Variants in NOSIP observed in about 807,000 individuals in gnomAD.
The protein encoded by NOSIP is nitric oxide synthase interacting protein.
In NOSIP, 25 loss-of-function variants were observed where a neutral mutation model predicts 36.4. The ratio of observed to expected loss-of-function variants is 0.69; its 90% CI spans 0.50 to 0.96. The LOEUF (loss-of-function observed/expected upper bound fraction) is 0.96. Ranked by LOEUF, NOSIP falls within the 40% of genes least tolerant of loss-of-function variation. NOSIP has a pLI of 0.00. For synonymous variants in NOSIP, 187 were observed against 179.2 expected (o/e 1.04, Z -0.35); for missense variants, 370 against 429.0 (o/e 0.86, Z 1.21).
chr19:49,560,702 A>T lies in NOSIP; in HGVS notation c.-1-10T>A. The T allele has an allele frequency of 6.3e-7, 1 of 1,582,904 alleles. No individual in the cohort carries two copies. ...GCCATGCCGCGTCATCCTAGGGAGG[A>T]AGGGACAGTGGCAGGACTGTGGTTA... On this transcript the variant is annotated splice_polypyrimidine_tract_variant and intron_variant, in intron 1 of 8. Coordinates refer to ENST00000596358, the MANE Select transcript of NOSIP (RefSeq NM_001270960.2). The surrounding 1 kb of genome is among the most constrained non-coding windows in gnomAD (Gnocchi z 4.6).
At chr19:49,579,567 T>G (rs1227100068) in intron 1 of NOSIP, among the ~76,000 whole-genome samples, 1 of 152,222 alleles carries the variant, frequency 6.6e-6, no homozygotes, top group Non-Finnish European at 1.5e-5. Flanking sequence ...AGCTTTTTGT[T>G]TTCCGTTTCT....
chr19:49,571,050 C>T (rs2080477110), intron 1 of NOSIP, among the ~76,000 whole-genome samples: 1 of 148,322 alleles, frequency 6.7e-6, no homozygotes, highest in Non-Finnish European at 1.5e-5. Flanking sequence ...GATCTCGGCT[C>T]ACTGCAACCT....
At chr19:49,577,473 C>G (rs1309752286) in intron 1 of NOSIP, among the ~76,000 whole-genome samples, 1 of 151,970 alleles carries the variant, frequency 6.6e-6, no homozygotes, top group Non-Finnish European at 1.5e-5. Context: ...AGGAGAGTCG[C>G]TCAAACCTGG....
chr19:49,558,245 C>CTTTTTTTCTTTTTTTTTT (rs1418617713), intron 4 of NOSIP: 7 of 123,644 alleles, frequency 5.7e-5, no homozygotes, highest in Non-Finnish European at 9.8e-5. Context: ...CGTAGCACAT[C>CTTTTTTTCTTTTTTTTTT]TTTTTTTTTT....
chr19:49,565,802 A>T (rs1033638547), intron 1 of NOSIP, among the ~76,000 whole-genome samples: 1 of 149,482 alleles, frequency 6.7e-6, no homozygotes, highest in Non-Finnish European at 1.5e-5. Flanking sequence ...ATGGCGGGGG[A>T]ACCCCCACTC....
chr19:49,565,375 G>C (rs1360094383), intron 1 of NOSIP, among the ~76,000 whole-genome samples: 1 of 152,052 alleles, frequency 6.6e-6, no homozygotes. Flanking sequence ...CTTGATCTGG[G>C]TGCTGGTTAC....
At chr19:49,573,760 C>T (rs1049913794) in intron 1 of NOSIP, among the ~76,000 whole-genome samples, 1 of 152,020 alleles carries the variant, frequency 6.6e-6, no homozygotes, top group Non-Finnish European at 1.5e-5. Context: ...CTCATGACAA[C>T]CTCCCCACGT....
intron 1 of NOSIP, among the ~76,000 whole-genome samples, chr19:49,564,214 A>C (rs1343621625): frequency 6.6e-6 from 1 of 152,110 alleles, no homozygotes; most frequent in Non-Finnish European, 1.5e-5. Flanking sequence ...AGCACTTTGG[A>C]GGCTGAAGCG....
intron 1 of NOSIP, among the ~76,000 whole-genome samples, chr19:49,572,585 GTATTTT>G (rs2080499840): frequency 6.6e-6 from 1 of 151,600 alleles, no homozygotes; most frequent in Non-Finnish European, 1.5e-5. Context: ...GCTCATTTTT[GTATTTT>G]TATATTTGTA....
intron 1 of NOSIP, among the ~76,000 whole-genome samples, chr19:49,577,340 T>A (rs1482974470): frequency 1.3e-5 from 2 of 150,812 alleles, no homozygotes; most frequent in African/African-American, 4.9e-5. Flanking sequence ...GGGCGGATCA[T>A]GAGGTCAAGA....
chr19:49,579,738 C>T (rs565361585), intron 1 of NOSIP, among the ~76,000 whole-genome samples: 1 of 152,176 alleles, frequency 6.6e-6, no homozygotes, highest in African/African-American at 2.4e-5. Flanking sequence ...TTTGACAATC[C>T]TTAAGTGTCA....
At chr19:49,573,386 G>T (rs1045070042) in intron 1 of NOSIP, among the ~76,000 whole-genome samples, 2 of 152,158 alleles carry the variant, frequency 1.3e-5, no homozygotes, top group Admixed American at 6.6e-5. Flanking sequence ...CCTTGCACTT[G>T]ACCGTGCCCT....
intron 1 of NOSIP, among the ~76,000 whole-genome samples, chr19:49,571,895 G>A (rs1409740940): frequency 7.0e-6 from 1 of 142,702 alleles, no homozygotes; most frequent in Non-Finnish European, 1.5e-5. Flanking sequence ...TGAGGCAGAA[G>A]AATCGCTTGA....
chr19:49,571,338 C>T (rs2080481644), intron 1 of NOSIP, among the ~76,000 whole-genome samples: 1 of 151,944 alleles, frequency 6.6e-6, no homozygotes, highest in Admixed American at 6.6e-5. Flanking sequence ...GACCAGAAAG[C>T]GTGAGCGCCT....
intron 1 of NOSIP, among the ~76,000 whole-genome samples, chr19:49,576,933 G>A (rs1157261423): frequency 1.4e-5 from 2 of 147,618 alleles, no homozygotes; most frequent in African/African-American, 5.0e-5. Flanking sequence ...TAAGGGAATT[G>A]CAGTGAGAAT....
intron 3 of NOSIP, chr19:49,559,364 C>T (rs1418508995): frequency 5.1e-6 from 1 of 196,966 alleles, no homozygotes; most frequent in Non-Finnish European, 1.1e-5. Context: ...AAAAAACAAA[C>T]AAAAACGCCA....
Position 49,575,869 on chromosome 19 carries a change from C to T in NOSIP, c.-2+4646G>A, listed in dbSNP as rs954136942. On this transcript the variant is annotated intron_variant, in intron 1 of 8. Coordinates refer to ENST00000596358, the MANE Select transcript of NOSIP (RefSeq NM_001270960.2). ...AAACCAGGCCAGGCGCAGTGGCTCACGCCTGTAATCCCAGCACTTTGGGAG... is the reference window on the plus strand; with the variant it reads ...AAACCAGGCCAGGCGCAGTGGCTCATGCCTGTAATCCCAGCACTTTGGGAG... Among the ~76,000 whole-genome samples, 4 of 152,314 alleles carry T rather than the reference C, an allele frequency of 2.6e-5. No homozygotes were observed. In the East Asian group the frequency reaches 7.7e-4, roughly 29 times the overall value.
chr19:49,559,721 A>G lies in NOSIP; in HGVS notation c.176+213T>C, dbSNP rs1246634390. The G allele has an allele frequency of 1.4e-5, 8 of 578,156 alleles. No homozygotes were observed. The South Asian group carries it at 1.5e-4, about 11-fold the overall frequency. 35.8% of individuals were successfully genotyped at this position (578,156 alleles called of 1,614,324 possible). A position where few individuals can be genotyped will look rare whatever the true frequency, so the allele number is the denominator to read the frequency against. ...CAATGCTCTGAGAGCCCTACACCCC[A>G]TTAGAAGTATGTTCCTTTCCATATG... On this transcript the variant is annotated intron_variant, in intron 3 of 8. Coordinates refer to ENST00000596358, the MANE Select transcript of NOSIP (RefSeq NM_001270960.2).
chr19:49,571,019 G>A (rs900747076), intron 1 of NOSIP, among the ~76,000 whole-genome samples: 6 of 151,774 alleles, frequency 4.0e-5, no homozygotes, highest in African/African-American at 9.7e-5. Flanking sequence ...CTCTGTTGCC[G>A]AAGCTGGAGT....
Sources: allele counts gnomAD v4.1 joint callset (sites outside exome capture counted in the v4.1 genomes callset), GRCh38; gene constraint gnomAD v4.1.1; non-coding constraint Gnocchi (gnomAD v3.1); transcripts MANE v1.5; gene names NCBI Gene and HGNC (gene_info 2026-07-23, HGNC 2026-07-21).